PRKCB: variants seen among roughly 807,000 people sequenced by gnomAD.
PRKCB encodes the protein protein kinase C beta type.
Under a neutral mutation model 81.5 loss-of-function variants are expected in PRKCB, and 13 were observed. The ratio of observed to expected loss-of-function variants is 0.16; its 90% CI spans 0.10 to 0.25. PRKCB has a LOEUF of 0.25. Among genes scored for constraint, PRKCB ranks in the 10% least tolerant of loss-of-function variants. PRKCB has a pLI of 1.00. For missense variants in PRKCB, 509 were observed against 875.7 expected (o/e 0.58, Z 5.29); for synonymous variants, 335 against 321.4 (o/e 1.04, Z -0.45).
intron 4 of PRKCB, among the ~76,000 whole-genome samples, chr16:24,034,279 G>A (rs1182686083): frequency 2.0e-5 from 3 of 152,158 alleles, no homozygotes; most frequent in South Asian, 2.1e-4. Context: ...TTTTGTAATA[G>A]GCCTGCTGCC....
intron 12 of PRKCB, among the ~76,000 whole-genome samples, chr16:24,179,901 C>T (rs572937514): frequency 3.3e-5 from 5 of 152,166 alleles, no homozygotes; most frequent in Non-Finnish European, 5.9e-5. Flanking sequence ...CTGCTACATA[C>T]TATACCTGGC....
intron 9 of PRKCB, among the ~76,000 whole-genome samples, chr16:24,131,156 A>G (rs1009809755): frequency 3.3e-5 from 5 of 152,242 alleles, no homozygotes; most frequent in African/African-American, 1.2e-4. Context: ...ATTAAAAAGA[A>G]AAAGTGAAGT....
Position 24,094,191 on chromosome 16 carries a change from A to G in PRKCB, c.715A>G (p.Arg239Gly). 2 of 1,614,218 alleles carry G rather than the reference A, an allele frequency of 1.2e-6. No homozygotes were observed. The highest frequency in any genetic ancestry group is 1.7e-6 in the Non-Finnish European group (2 of 1,180,036). Residue 239 changes from arginine (R) to glycine (G), a missense_variant, in exon 7 of 17, where the codon AGA (arginine) becomes GGA (glycine). Coordinates refer to ENST00000643927, the MANE Select transcript of PRKCB (RefSeq NM_002738.7). The part of the protein sequence containing the change: ...FQLKESDKDR[R>G]LSVEIWDWDL... ...GCTGAAAGAATCGGACAAAGACAGAAGACTGTCAGTAGAGATTTGGGATTG... is the reference window on the plus strand; with the variant it reads ...GCTGAAAGAATCGGACAAAGACAGAGGACTGTCAGTAGAGATTTGGGATTG...
intron 8 of PRKCB, among the ~76,000 whole-genome samples, chr16:24,120,935 G>C (rs1966792713): frequency 6.6e-6 from 1 of 152,098 alleles, no homozygotes; most frequent in Non-Finnish European, 1.5e-5. Context: ...TGACTTCCTA[G>C]TGATCACTCA....
rs562915498 is a variant in PRKCB at position 24,048,772 on chromosome 16, G to A, written c.529+13225G>A. On this transcript the variant is annotated intron_variant, in intron 5 of 16. Transcript: ENST00000643927. ...GCTGGGATTACAGGTGTGAGTCACCGTGCCCAGCCACAGCCACCTTTTCTA... is the reference window on the plus strand; with the variant it reads ...GCTGGGATTACAGGTGTGAGTCACCATGCCCAGCCACAGCCACCTTTTCTA... Among the ~76,000 whole-genome samples, 6 of 152,200 alleles carry A rather than the reference G, an allele frequency of 3.9e-5. No homozygotes were observed. In the South Asian group the frequency reaches 6.2e-4, roughly 16 times the overall value.
chr16:24,064,513 T>G (rs1426574467), intron 5 of PRKCB, among the ~76,000 whole-genome samples: 1 of 152,250 alleles, frequency 6.6e-6, no homozygotes, highest in Admixed American at 6.5e-5. Context: ...GACATTTGGG[T>G]AAATATTCCA....
chr16:23,923,912 GAAAA>G (rs1486136834), intron 2 of PRKCB, among the ~76,000 whole-genome samples: 1 of 152,086 alleles, frequency 6.6e-6, no homozygotes, highest in Non-Finnish European at 1.5e-5. Context: ...ACTGAGGGAG[GAAAA>G]TGATTGGCAA....
intron 5 of PRKCB, among the ~76,000 whole-genome samples, chr16:24,064,787 A>G (rs1966012167): frequency 6.6e-6 from 1 of 151,808 alleles, no homozygotes; most frequent in Non-Finnish European, 1.5e-5. Context: ...TCCTCGGTGA[A>G]TTGATCCTTT....
intron 13 of PRKCB, 79 bp downstream of exon 13, chr16:24,181,007 G>T (rs1189907307): frequency 6.5e-7 from 1 of 1,548,666 alleles, no homozygotes; most frequent in Non-Finnish European, 8.8e-7. Context: ...AGCTGGGAAG[G>T]GTTGAGGGTG....
rs538479053 is a variant in PRKCB at position 23,909,694 on chromosome 16, A to G, written c.205+72288A>G. ...TTATAAGCTCCCACTTGTAAGTGAG[A>G]ACATGCGGTATTTGGCTTTCTGTTT... On this transcript the variant is annotated intron_variant, in intron 2 of 16. Transcript: ENST00000643927. 2.6e-3 allele frequency among the ~76,000 whole-genome samples: 390 copies of G among 152,322 alleles called. 1 individual carries two copies. The highest frequency in any genetic ancestry group is 8.9e-3 in the African/African-American group (372 of 41,568).
intron 3 of PRKCB, among the ~76,000 whole-genome samples, chr16:24,021,979 G>C (rs1965411354): frequency 3.3e-5 from 5 of 152,136 alleles, no homozygotes; most frequent in Admixed American, 3.3e-4. Context: ...AGGAAATTTG[G>C]GAATCCAAGC....
intron 15 of PRKCB, among the ~76,000 whole-genome samples, chr16:24,186,274 C>T (rs1345386231): frequency 1.3e-5 from 2 of 152,148 alleles, no homozygotes; most frequent in East Asian, 3.9e-4. Context: ...ACCTTTGGAG[C>T]CATCAGAATA....
intron 2 of PRKCB, among the ~76,000 whole-genome samples, chr16:23,957,966 T>C (rs1480204306): frequency 1.3e-5 from 2 of 152,194 alleles, no homozygotes; most frequent in Admixed American, 1.3e-4. Context: ...AGATTGTTAT[T>C]ATTATGTGTT....
intron 2 of PRKCB, among the ~76,000 whole-genome samples, chr16:23,906,896 G>A (rs1196962451): frequency 1.3e-5 from 2 of 152,092 alleles, no homozygotes; most frequent in Non-Finnish European, 2.9e-5. Context: ...GGTTTCAGCT[G>A]ACTAGAGGCA....
intron 5 of PRKCB, among the ~76,000 whole-genome samples, chr16:24,069,900 G>A (rs1288504689): frequency 6.6e-6 from 1 of 152,106 alleles, no homozygotes; most frequent in Non-Finnish European, 1.5e-5. Context: ...CATTCCCAAC[G>A]GGTACTCCCG....
At chr16:24,022,867 G>C (rs1180634790) in intron 3 of PRKCB, among the ~76,000 whole-genome samples, 1 of 152,168 alleles carries the variant, frequency 6.6e-6, no homozygotes, top group Non-Finnish European at 1.5e-5. Context: ...GAAGCACCTT[G>C]TTGGCCAACG....
At chr16:23,850,959 G>T (rs1962462468) in intron 2 of PRKCB, among the ~76,000 whole-genome samples, 1 of 151,996 alleles carries the variant, frequency 6.6e-6, no homozygotes, top group South Asian at 2.1e-4. Flanking sequence ...TTTAAATCAG[G>T]TTATTTGTTT....
rs2141998429 is a variant in PRKCB at position 24,219,031 on chromosome 16, T to G, written c.*4215T>G. On this transcript the variant is annotated 3_prime_UTR_variant, in exon 17 of 17. Transcript: ENST00000643927. ...TCCAGCTCCACCTGCCCCAGGTGGG[T>G]GTGGTGATGATGAGGAAAGACAAGA... 1 of 985,254 alleles carries G rather than the reference T, an allele frequency of 1.0e-6. No homozygotes were observed. The highest frequency in any genetic ancestry group is 4.7e-5 in the South Asian group (1 of 21,264). The allele number at this position is 985,254 out of a possible 1,614,324, so 61.0% of individuals were successfully genotyped here.
intron 2 of PRKCB, among the ~76,000 whole-genome samples, chr16:23,851,186 C>T (rs2141082486): frequency 6.6e-6 from 1 of 152,212 alleles, no homozygotes; most frequent in Non-Finnish European, 1.5e-5. Flanking sequence ...GAGTTTTTCC[C>T]TTATGTTTTT....
Sources: gnomAD v4.1 joint callset for allele counts (sites outside exome capture counted in the v4.1 genomes callset) on GRCh38, gnomAD v4.1.1 for gene constraint, MANE v1.5 for transcripts, NCBI Gene and HGNC (gene_info 2026-07-23, HGNC 2026-07-21) for gene names.